The following PALM2AKAP2 variants were observed in gnomAD, a reference collection of about 807,000 sequenced individuals.
PALM2AKAP2 encodes PALM2-AKAP2 fusion protein.
A neutral mutation model predicts 71.5 loss-of-function variants in PALM2AKAP2; 37 were observed. That is an observed-to-expected ratio of 0.52 (90% confidence interval 0.40 to 0.68). The LOEUF is 0.68. Ranked by LOEUF, PALM2AKAP2 falls within the 30% of genes least tolerant of loss-of-function variation. The pLI is 0.00. For missense variants in PALM2AKAP2, 1,224 were observed against 1,191.8 expected (o/e 1.03, Z -0.40); for synonymous variants, 468 against 478.8 (o/e 0.98, Z 0.29).
chr9:109,860,247 A>G (rs988036396), intron 1 of PALM2AKAP2, among the ~76,000 whole-genome samples: 15 of 152,026 alleles, frequency 9.9e-5, no homozygotes, highest in Non-Finnish European at 1.9e-4. Flanking sequence ...TAGACAGACT[A>G]TTTTTCTTTT....
intron 1 of PALM2AKAP2, among the ~76,000 whole-genome samples, chr9:109,693,842 A>C (rs1457276305): frequency 6.6e-6 from 1 of 152,034 alleles, no homozygotes; most frequent in Non-Finnish European, 1.5e-5. Context: ...TTTATGGTCT[A>C]GACTATAGTG....
intron 1 of PALM2AKAP2, among the ~76,000 whole-genome samples, chr9:109,847,066 G>A (rs985360526): frequency 1.3e-5 from 2 of 152,152 alleles, no homozygotes; most frequent in African/African-American, 2.4e-5. Context: ...CAACAATGGC[G>A]CCCTAAAAGA....
intron 6 of PALM2AKAP2, among the ~76,000 whole-genome samples, chr9:109,932,781 A>G (rs1445693380): frequency 2.6e-5 from 4 of 152,218 alleles, no homozygotes; most frequent in African/African-American, 9.6e-5. Flanking sequence ...TGAATTGCCC[A>G]AGGTTGCATG....
At chr9:109,744,717 T>G (rs1457388701) in intron 1 of PALM2AKAP2, among the ~76,000 whole-genome samples, 1 of 152,230 alleles carries the variant, frequency 6.6e-6, no homozygotes, top group Non-Finnish European at 1.5e-5. Context: ...AGGAATGTTC[T>G]AAGCACCCCA....
intron 1 of PALM2AKAP2, among the ~76,000 whole-genome samples, chr9:110,106,477 G>A (rs1260768785): frequency 6.6e-6 from 1 of 152,178 alleles, no homozygotes; most frequent in Non-Finnish European, 1.5e-5. Flanking sequence ...TTGCTGGGGG[G>A]GATGTGTAAG....
intron 6 of PALM2AKAP2, 133 bp downstream of exon 6, chr9:109,932,161 C>A: frequency 2.0e-6 from 2 of 995,704 alleles, no homozygotes; most frequent in East Asian, 2.9e-5. Flanking sequence ...CAGATGCAGC[C>A]TTCACAGTGG....
At chr9:109,682,976 G>A (rs1587866074) in intron 1 of PALM2AKAP2, among the ~76,000 whole-genome samples, 1 of 152,192 alleles carries the variant, frequency 6.6e-6, no homozygotes. Flanking sequence ...ATTGGACCAC[G>A]AGGGTGGATT....
chr9:110,097,658 A>G (rs1292514732), intron 1 of PALM2AKAP2, among the ~76,000 whole-genome samples: 1 of 144,500 alleles, frequency 6.9e-6, no homozygotes, highest in East Asian at 2.0e-4. Context: ...CTGGGCAGAG[A>G]TGCTCCTCAC....
At chr9:109,722,512 C>G (rs1828420280) in intron 1 of PALM2AKAP2, among the ~76,000 whole-genome samples, 1 of 152,278 alleles carries the variant, frequency 6.6e-6, no homozygotes, top group South Asian at 2.1e-4. Flanking sequence ...TGCCTCACAC[C>G]TGTAATCTCA....
At chr9:109,680,144 G>A (rs1448682533) in intron 1 of PALM2AKAP2, among the ~76,000 whole-genome samples, 1 of 152,166 alleles carries the variant, frequency 6.6e-6, no homozygotes, top group African/African-American at 2.4e-5. Flanking sequence ...GGTGCCTCTG[G>A]CTACATCTGG....
chr9:109,938,966 T>C (rs1207834456), intron 6 of PALM2AKAP2, among the ~76,000 whole-genome samples: 3 of 152,020 alleles, frequency 2.0e-5, no homozygotes, highest in Non-Finnish European at 4.4e-5. Context: ...GAGGCAGAGG[T>C]TGCAGTGAGA....
At chr9:109,817,652 A>G (rs1442844131) in intron 1 of PALM2AKAP2, among the ~76,000 whole-genome samples, 6 of 152,206 alleles carry the variant, frequency 3.9e-5, no homozygotes, top group African/African-American at 1.4e-4. Context: ...GCCCAGAGGG[A>G]TGCTCAGAAT....
At chr9:109,983,505 C>G (rs1329397660) in intron 6 of PALM2AKAP2, among the ~76,000 whole-genome samples, 1 of 151,962 alleles carries the variant, frequency 6.6e-6, no homozygotes, top group African/African-American at 2.4e-5. Flanking sequence ...TTTCTTAACC[C>G]CATATTCTAC....
At chr9:109,743,305 G>A (rs1828745036) in intron 1 of PALM2AKAP2, among the ~76,000 whole-genome samples, 1 of 152,192 alleles carries the variant, frequency 6.6e-6, no homozygotes, top group Admixed American at 6.5e-5. Flanking sequence ...TGCTGGGATT[G>A]TAGCTTTTCA....
intron 2 of PALM2AKAP2, 80 bp downstream of exon 2, chr9:109,867,651 G>T (rs1206514182): frequency 6.8e-7 from 1 of 1,477,936 alleles, no homozygotes; most frequent in East Asian, 2.4e-5. Flanking sequence ...TGCCTGCCCT[G>T]CCGTGAAGGC....
chr9:110,035,402 G>A (rs909941769), intron 7 of PALM2AKAP2, among the ~76,000 whole-genome samples: 171 of 70,108 alleles, frequency 2.4e-3, no homozygotes, highest in African/African-American at 0.014. Context: ...ATACATATAC[G>A]TATATAATAT....
chr9:109,775,566 T>C (rs957385475), upstream of PALM2AKAP2, among the ~76,000 whole-genome samples: 1 of 152,202 alleles, frequency 6.6e-6, no homozygotes, highest in Non-Finnish European at 1.5e-5. Context: ...TCACATATGT[T>C]TTAAATGACC....
Position 110,136,290 on chromosome 9 carries a change from CT to C in PALM2AKAP2, c.321del (p.Thr108ProfsTer38). 6.2e-7 allele frequency: 1 copy of C among 1,614,202 alleles called. No individual in the cohort carries two copies. The highest frequency in any genetic ancestry group is 1.7e-5 in the Admixed American group (1 of 60,028). ...TGTAAAAGTGTTCCTGGAATCACCT[CT>C]ACCCCACATCCCATGGACCATCCCT... On this transcript the variant is annotated frameshift_variant, in exon 2 of 4. Coordinates refer to ENST00000374525, the Ensembl canonical transcript of PALM2AKAP2. LOFTEE classifies it high-confidence loss of function.
At chr9:110,136,096 A>T in intron 1 of PALM2AKAP2, 31 bp from the exon 8 acceptor site, 1 of 1,533,652 alleles carries the variant, frequency 6.5e-7, no homozygotes. Context: ...TGCAGTATTT[A>T]ACCCTGACTT....
Sources: gnomAD v4.1 joint callset for allele counts (sites outside exome capture counted in the v4.1 genomes callset) on GRCh38, gnomAD v4.1.1 for gene constraint, MANE v1.5 for transcripts, NCBI Gene and HGNC (gene_info 2026-07-23, HGNC 2026-07-21) for gene names.